The following RAD51B variants were observed in gnomAD, a reference collection of about 807,000 sequenced individuals.
The protein encoded by RAD51B is DNA repair protein RAD51 homolog 2.
In RAD51B, 38 loss-of-function variants were observed where a neutral mutation model predicts 42.2. That is an observed-to-expected ratio of 0.90 (90% CI 0.70 to 1.18). The LOEUF (loss-of-function observed/expected upper bound fraction) is 1.18. Among genes scored for constraint, RAD51B ranks in the 50% most tolerant of loss-of-function variants. The probability of loss-of-function intolerance (pLI) is 0.00; values close to 1 mark genes in which losing one functional copy is unlikely to be tolerated. For missense variants in RAD51B, 373 were observed against 400.7 expected, an observed-to-expected ratio of 0.93 and a Z score of 0.59; for synonymous variants, 154 against 145.2, an observed-to-expected ratio of 1.06 and a Z score of -0.43.
intron 10 of RAD51B, among the ~76,000 whole-genome samples, chr14:68,631,292 A>C (rs1276129851): frequency 6.6e-6 from 1 of 152,224 alleles, no homozygotes; most frequent in Non-Finnish European, 1.5e-5. Context: ...GGTTGGGAAG[A>C]CACTGTGAGA....
intron 7 of RAD51B, among the ~76,000 whole-genome samples, chr14:67,985,127 G>C (rs1213601143): frequency 2.6e-5 from 4 of 152,184 alleles, no homozygotes; most frequent in Non-Finnish European, 4.4e-5. Flanking sequence ...TAAGTATACA[G>C]AAGAGTTGCC....
intron 7 of RAD51B, among the ~76,000 whole-genome samples, chr14:68,273,936 C>T (rs1253571338): frequency 6.6e-6 from 1 of 152,042 alleles, no homozygotes; most frequent in Non-Finnish European, 1.5e-5. Context: ...TTCTATTTTT[C>T]ATCAGAGTAA....
At chr14:68,651,314 A>T (rs1053202554) in intron 11 of RAD51B, among the ~76,000 whole-genome samples, 1 of 152,150 alleles carries the variant, frequency 6.6e-6, no homozygotes, top group Non-Finnish European at 1.5e-5. Context: ...CTGGGACTAC[A>T]GGCGTCTGCC....
At chr14:67,847,965 A>G (rs1475034301) in intron 4 of RAD51B, among the ~76,000 whole-genome samples, 2 of 152,066 alleles carry the variant, frequency 1.3e-5, no homozygotes, top group African/African-American at 2.4e-5. Context: ...GGGTGCTCCA[A>G]TGTTTGATGG....
intron 7 of RAD51B, among the ~76,000 whole-genome samples, chr14:68,033,899 A>G (rs539095067): frequency 6.6e-6 from 1 of 152,322 alleles, no homozygotes; most frequent in East Asian, 1.9e-4. Context: ...TTTGTGACAG[A>G]TGATGGAAGG....
chr14:68,080,156 T>G (rs928988135), intron 7 of RAD51B, among the ~76,000 whole-genome samples: 1 of 152,206 alleles, frequency 6.6e-6, no homozygotes, highest in African/African-American at 2.4e-5. Flanking sequence ...TGTTCCCTTT[T>G]CTGCTTCATG....
chr14:68,308,081 G>A (rs753535635), intron 8 of RAD51B, among the ~76,000 whole-genome samples: 17 of 152,082 alleles, frequency 1.1e-4, no homozygotes, highest in Non-Finnish European at 2.2e-4. Flanking sequence ...TTTGATTGGA[G>A]GTTCTCGAGG....
chr14:68,405,818 C>G (rs2084256140), intron 8 of RAD51B, among the ~76,000 whole-genome samples: 1 of 127,802 alleles, frequency 7.8e-6, no homozygotes, highest in Non-Finnish European at 1.6e-5. Flanking sequence ...GAAACTCCTA[C>G]AGTTTATCAC....
At chr14:68,076,009 T>C (rs1447180085) in intron 7 of RAD51B, among the ~76,000 whole-genome samples, 1 of 152,202 alleles carries the variant, frequency 6.6e-6, no homozygotes, top group Non-Finnish European at 1.5e-5. Flanking sequence ...CCCTGCCCAC[T>C]GAGGAGTAAC....
chr14:68,143,381 A>C (rs539575057), intron 7 of RAD51B, among the ~76,000 whole-genome samples: 2 of 152,222 alleles, frequency 1.3e-5, no homozygotes, highest in Non-Finnish European at 1.5e-5. Context: ...ACCAAAATGG[A>C]CTTTGTCCAC....
intron 10 of RAD51B, chr14:68,594,440 A>G: frequency 1.5e-6 from 2 of 1,352,194 alleles, no homozygotes; most frequent in Non-Finnish European, 2.0e-6. Flanking sequence ...AGAGAAAGGC[A>G]AAAGGGCCTA....
chr14:68,233,879 G>A (rs1241864908), intron 7 of RAD51B, among the ~76,000 whole-genome samples: 25 of 152,168 alleles, frequency 1.6e-4, no homozygotes, highest in Non-Finnish European at 1.5e-5. Context: ...TTAAGTTGAG[G>A]TAAGATTGTG....
intron 8 of RAD51B, among the ~76,000 whole-genome samples, chr14:68,379,996 T>C (rs1322527096): frequency 6.6e-6 from 1 of 152,252 alleles, no homozygotes; most frequent in Non-Finnish European, 1.5e-5. Flanking sequence ...TTGCATTGTG[T>C]ATAAAAGTAG....
At chr14:68,275,833 CACACACA>C (rs1566778263) in intron 7 of RAD51B, among the ~76,000 whole-genome samples, 8 of 151,086 alleles carry the variant, frequency 5.3e-5, no homozygotes, top group East Asian at 1.9e-4. Context: ...CACACACACA[CACACACA>C]CCCTTGAATT....
Position 68,370,434 on chromosome 14 carries a change from C to G in RAD51B, c.854-40990C>G, listed in dbSNP as rs886507768. 4.6e-5 allele frequency among the ~76,000 whole-genome samples: 7 copies of G among 152,244 alleles called. No individual in the cohort carries two copies. The South Asian group carries it at 1.5e-3, about 32-fold the overall frequency. On this transcript the variant is annotated intron_variant, in intron 8 of 10. Transcript: ENST00000471583. Reference sequence around the variant, plus strand: ...AGGCCTGTAAGTTGACTGGAGAGGGCTAGGGTATGTAAAACTAGGTAAAGA... The same window carrying G: ...AGGCCTGTAAGTTGACTGGAGAGGGGTAGGGTATGTAAAACTAGGTAAAGA...
chr14:68,523,389 A>G (rs1425555739), intron 10 of RAD51B, among the ~76,000 whole-genome samples: 1 of 152,196 alleles, frequency 6.6e-6, no homozygotes, highest in Non-Finnish European at 1.5e-5. Context: ...GGACTTGGCC[A>G]AGATCTGTTC....
chr14:68,665,246 G>A (rs909021233), intron 11 of RAD51B, among the ~76,000 whole-genome samples: 9 of 152,254 alleles, frequency 5.9e-5, no homozygotes, highest in African/African-American at 1.9e-4. Context: ...AGGTGACCTC[G>A]TCACAGGCCT....
At chr14:68,368,894 C>G (rs899473293) in intron 8 of RAD51B, among the ~76,000 whole-genome samples, 8 of 152,208 alleles carry the variant, frequency 5.3e-5, no homozygotes, top group African/African-American at 1.9e-4. Flanking sequence ...CTACAAACAC[C>G]TGAAGCATGA....
intron 3 of RAD51B, 46 bp from the exon 4 acceptor site, chr14:67,835,034 A>G (rs752722227): frequency 7.1e-7 from 1 of 1,404,378 alleles, no homozygotes; most frequent in Admixed American, 1.9e-5. Context: ...TATGTTTTTG[A>G]ATATATATAG....
Sources: allele counts gnomAD v4.1 joint callset (sites outside exome capture counted in the v4.1 genomes callset), GRCh38; gene constraint gnomAD v4.1.1; transcripts MANE v1.5; gene names NCBI Gene and HGNC (gene_info 2026-07-23, HGNC 2026-07-21).